BCAS4: variants seen among roughly 807,000 people sequenced by gnomAD.
BCAS4 encodes breast carcinoma amplified sequence 4, also known as breast carcinoma-amplified sequence 4.
BCAS4 carries 9 observed loss-of-function variants against 15.7 expected under a neutral mutation model. That is an observed-to-expected ratio of 0.57 (90% CI 0.34 to 1.00). The LOEUF (loss-of-function observed/expected upper bound fraction) is 1.00. Ranked by LOEUF, BCAS4 falls within the 50% of genes least tolerant of loss-of-function variation. The pLI, the probability that BCAS4 is intolerant of heterozygous loss-of-function variation, is 0.02. For synonymous variants in BCAS4, 101 were observed against 99.5 expected, an observed-to-expected ratio of 1.02 and a Z score of -0.09; for missense variants, 225 against 239.1, an observed-to-expected ratio of 0.94 and a Z score of 0.39.
At position 50,847,884 on chromosome 20, in the gene BCAS4, A is replaced by T. The variant is rs6126107; in HGVS notation, c.399+5984A>T. ...ATGCGAAACCCCATCTCTACCAAAA[A>T]AAATACAAAACTTTGCCAGGGGTGG... On this transcript the variant is annotated intron_variant, in intron 4 of 4. Coordinates refer to ENST00000371608, the MANE Select transcript of BCAS4 (RefSeq NM_198799.4). Among the ~76,000 whole-genome samples, 860 of 151,856 alleles carry T rather than the reference A, an allele frequency of 5.7e-3. 23 individuals carry two copies. In the East Asian group the frequency reaches 0.089, roughly 16 times the overall value.
intron 4 of BCAS4, among the ~76,000 whole-genome samples, chr20:50,868,440 T>C (rs1220066586): frequency 3.3e-5 from 5 of 152,220 alleles, no homozygotes. Context: ...TTTCTTTTTT[T>C]GAGTCAGAGT....
At chr20:50,837,871 C>A (rs757183237) in intron 3 of BCAS4, among the ~76,000 whole-genome samples, 1 of 152,214 alleles carries the variant, frequency 6.6e-6, no homozygotes, top group Non-Finnish European at 1.5e-5. Context: ...TCGGCACTTT[C>A]GTCTGAGTTT....
intron 4 of BCAS4, among the ~76,000 whole-genome samples, chr20:50,846,903 G>A (rs1230618913): frequency 2.7e-5 from 4 of 150,646 alleles, no homozygotes; most frequent in Admixed American, 6.6e-5. Context: ...CGTGACCCAC[G>A]ACGCCCAGCT....
At chr20:50,856,532 A>G (rs901766841) in intron 4 of BCAS4, among the ~76,000 whole-genome samples, 3 of 152,194 alleles carry the variant, frequency 2.0e-5, no homozygotes, top group Non-Finnish European at 4.4e-5. Flanking sequence ...CCAAGCACCA[A>G]TTTCAAGGTG....
At chr20:50,804,407 C>T (rs1006178178) in intron 1 of BCAS4, among the ~76,000 whole-genome samples, 1 of 152,192 alleles carries the variant, frequency 6.6e-6, no homozygotes, top group Non-Finnish European at 1.5e-5. Flanking sequence ...TGATTATTTT[C>T]AGCAGTTAGA....
intron 4 of BCAS4, among the ~76,000 whole-genome samples, chr20:50,874,263 G>A (rs1409256686): frequency 6.6e-6 from 1 of 152,112 alleles, no homozygotes; most frequent in Non-Finnish European, 1.5e-5. Flanking sequence ...CTGTCTACGC[G>A]CTGATCCCCG....
rs1244919701 is a variant in BCAS4 at position 50,858,116 on chromosome 20, C to T, written c.399+16216C>T. Among the ~76,000 whole-genome samples, 4 of 152,302 alleles carry T rather than the reference C, an allele frequency of 2.6e-5. No individual in the cohort carries two copies. The East Asian group carries it at 7.7e-4, about 29-fold the overall frequency. ...AACCTCCACCCCATCTTCATTCATT[C>T]ATTCATTCAAGTTAGTACAGTAATC... On this transcript the variant is annotated intron_variant, in intron 4 of 4. Transcript: ENST00000371608.
At chr20:50,853,376 C>T (rs1424456179) in intron 4 of BCAS4, among the ~76,000 whole-genome samples, 1 of 151,954 alleles carries the variant, frequency 6.6e-6, no homozygotes, top group Non-Finnish European at 1.5e-5. Flanking sequence ...AACTCTTGAC[C>T]TCAAGTTATC....
At chr20:50,834,446 C>T (rs2088382899) in intron 3 of BCAS4, among the ~76,000 whole-genome samples, 1 of 151,686 alleles carries the variant, frequency 6.6e-6, no homozygotes, top group Admixed American at 6.6e-5. Flanking sequence ...CAGGAAGGCC[C>T]ACCACACCTG....
chr20:50,813,507 G>A (rs1044612919), intron 1 of BCAS4, among the ~76,000 whole-genome samples: 1 of 152,096 alleles, frequency 6.6e-6, no homozygotes, highest in Admixed American at 6.6e-5. Flanking sequence ...GAAGTAGTTG[G>A]ATTTGGGTAG....
At chr20:50,800,622 C>T (rs2087916323) in intron 1 of BCAS4, among the ~76,000 whole-genome samples, 1 of 140,828 alleles carries the variant, frequency 7.1e-6, no homozygotes, top group Non-Finnish European at 1.5e-5. Flanking sequence ...AGTGCAGTGG[C>T]GCAAACTCAG....
Position 50,842,460 on chromosome 20 carries a change from A to G in BCAS4, c.399+560A>G, listed in dbSNP as rs570464988. Among the ~76,000 whole-genome samples the G allele has an allele frequency of 1.8e-3, 270 of 151,680 alleles. 3 individuals are homozygous for G. The highest frequency in any genetic ancestry group is 6.4e-3 in the African/African-American group (264 of 41,308). ...GAAATGGGGTCTCACTCTGTCACCCAGGCTGGAGTGCAGTGGCGTGATCTC... is the reference window on the plus strand; with the variant it reads ...GAAATGGGGTCTCACTCTGTCACCCGGGCTGGAGTGCAGTGGCGTGATCTC... On this transcript the variant is annotated intron_variant, in intron 4 of 4. Transcript: ENST00000371608.
chr20:50,795,008 G>C (rs1014774071), upstream of BCAS4: 1 of 1,363,920 alleles, frequency 7.3e-7, no homozygotes, highest in Non-Finnish European at 9.5e-7. Context: ...AGCGGACCGG[G>C]GGCGGGGCTC....
intron 1 of BCAS4, among the ~76,000 whole-genome samples, chr20:50,814,306 G>T (rs1162802959): frequency 2.6e-5 from 4 of 152,272 alleles, no homozygotes; most frequent in African/African-American, 9.6e-5. Context: ...TCTTGTTTTT[G>T]TTTTGAGACA....
chr20:50,851,017 C>G lies in BCAS4; in HGVS notation c.399+9117C>G, dbSNP rs1447268676. On this transcript the variant is annotated intron_variant, in intron 4 of 4. Transcript: ENST00000371608. The surrounding 1 kb of genome is among the most constrained non-coding windows in gnomAD (Gnocchi z 4.3). ...TCAGCGTGCTCCCCTCCCCAGCGACCCCCCCAGCTCCCGCCCCTTGCCTCC... is the reference window on the plus strand; with the variant it reads ...TCAGCGTGCTCCCCTCCCCAGCGACGCCCCCAGCTCCCGCCCCTTGCCTCC... Among the ~76,000 whole-genome samples, 1 of 70 alleles carries G rather than the reference C, an allele frequency of 0.014. No individual in the cohort carries two copies. The highest frequency in any genetic ancestry group is 0.056 in the African/African-American group (1 of 18). The allele number at this position is 70 out of a possible 152,430, so 0.0% of individuals were successfully genotyped here.
chr20:50,869,382 C>G (rs931902822), intron 4 of BCAS4, among the ~76,000 whole-genome samples: 2 of 152,178 alleles, frequency 1.3e-5, no homozygotes, highest in Non-Finnish European at 2.9e-5. Context: ...AGACCCTGGA[C>G]AACCTTGGAT....
chr20:50,808,992 C>T (rs2088028478), intron 1 of BCAS4, among the ~76,000 whole-genome samples: 1 of 152,086 alleles, frequency 6.6e-6, no homozygotes, highest in Non-Finnish European at 1.5e-5. Flanking sequence ...TTTGATGCAT[C>T]TTGAGTTGAT....
At position 50,838,567 on chromosome 20, in the gene BCAS4, G is replaced by A. The variant is rs6020787; in HGVS notation, c.265-3199G>A. 3.2e-3 allele frequency among the ~76,000 whole-genome samples: 483 copies of A among 152,124 alleles called. 2 individuals carry two copies. The highest frequency in any genetic ancestry group is 0.011 in the African/African-American group (464 of 41,514). On this transcript the variant is annotated intron_variant, in intron 3 of 4. Transcript: ENST00000371608. ...TTTATTAAAAATACAAAGTTAGAAC[G>A]GGTGTAGTGCCTCACACCTGTAATC... is the stretch of plus-strand genomic sequence containing the variant.
At chr20:50,830,143 G>A (rs1231766540) in intron 2 of BCAS4, 136 bp from the exon 3 acceptor site, 9 of 688,440 alleles carry the variant, frequency 1.3e-5, no homozygotes, top group Non-Finnish European at 2.3e-5. Flanking sequence ...GTTGTTCTTG[G>A]GCCTGTATTG....
Sources: gnomAD v4.1 joint callset for allele counts (sites outside exome capture counted in the v4.1 genomes callset) on GRCh38, gnomAD v4.1.1 for gene constraint, Gnocchi (gnomAD v3.1) non-coding constraint, MANE v1.5 for transcripts, NCBI Gene and HGNC (gene_info 2026-07-23, HGNC 2026-07-21) for gene names.